GRIP2: variants seen among roughly 807,000 people sequenced by gnomAD.
GRIP2 encodes the protein glutamate receptor interacting protein 2, also known as glutamate receptor-interacting protein 2.
In GRIP2, 58 loss-of-function variants were observed where a neutral mutation model predicts 108.3. That is an observed-to-expected ratio of 0.54 (90% confidence interval 0.43 to 0.67). GRIP2 has a LOEUF of 0.67. Among genes scored for constraint, GRIP2 ranks in the 30% least tolerant of loss-of-function variants. GRIP2 has a pLI of 0.00. For synonymous variants in GRIP2, 586 were observed against 598.2 expected (o/e 0.98, Z 0.30); for missense variants, 1,278 against 1,430.6 (o/e 0.89, Z 1.72).
chr3:14,573,391 G>A, the GRIP2 span: 2 of 1,324,064 alleles, frequency 1.5e-6, no homozygotes, highest in African/African-American at 1.4e-5. Context: ...ATGGTCATCT[G>A]GAAGCAGATG....
intron 11 of GRIP2, among the ~76,000 whole-genome samples, chr3:14,515,782 A>T (rs1321622262): frequency 6.6e-6 from 1 of 152,042 alleles, no homozygotes; most frequent in Non-Finnish European, 1.5e-5. Context: ...GGCGTGTGCC[A>T]CCATACAAGG....
At chr3:14,574,311 C>A in the GRIP2 span, 2 of 1,000,866 alleles carry the variant, frequency 2.0e-6, no homozygotes, top group African/African-American at 1.6e-5. Context: ...CCCATACAGC[C>A]GCTTCTCCCG....
In GRIP2 at chr3:14,517,845, G is replaced by A. The variant is rs1043086187; in HGVS notation, c.1083C>T (p.Ser361=). 2 of 1,602,796 alleles carry A rather than the reference G, an allele frequency of 1.2e-6. No homozygotes were observed. Among genetic ancestry groups the A allele is most frequent in the African/African-American group, 1.3e-5 (1 of 74,668 alleles). The change falls in exon 10 of 24, where the codon TCC becomes TCT. Residue 361 remains serine, a synonymous_variant. Coordinates refer to ENST00000621039, the MANE Select transcript of GRIP2 (RefSeq NM_001080423.4). ...AGTGGCCGGGCCGGGGGCTGTGGCA[G>A]GAGGGCACGCAGGGGTCCCAGCGGT... ...QLHRWDPCVP[S]CHSPRPGHCR... is the part of the protein sequence containing the mutation.
At chr3:14,571,462 C>A in the GRIP2 span, among the ~76,000 whole-genome samples, 1 of 152,144 alleles carries the variant, frequency 6.6e-6, no homozygotes, top group Non-Finnish European at 1.5e-5. Flanking sequence ...ATGCTTCCCA[C>A]CCCCGCGCAC....
At chr3:14,527,247 AAAGGG>A (rs145344565) in intron 1 of GRIP2, among the ~76,000 whole-genome samples, 7,033 of 151,024 alleles carry the variant, frequency 0.047, 253 homozygotes, top group Middle Eastern at 0.11. Context: ...AAGAAGGAAG[AAAGGG>A]AAGGGAAGGG....
chr3:14,583,737 C>T, the GRIP2 span, among the ~76,000 whole-genome samples: 2 of 152,196 alleles, frequency 1.3e-5, no homozygotes, highest in African/African-American at 4.8e-5. Context: ...TGCCGGGATC[C>T]GGGTGGAGTG....
chr3:14,552,445 A>G (rs1215872926), intron 1 of GRIP2, among the ~76,000 whole-genome samples: 1 of 152,182 alleles, frequency 6.6e-6, no homozygotes, highest in African/African-American at 2.4e-5. Context: ...TAGATGCTCA[A>G]TAAATATTTG....
Position 14,513,813 on chromosome 3 carries a change from G to T in GRIP2, c.1494-3C>A, listed in dbSNP as rs749352689. The T allele has an allele frequency of 6.2e-7, 1 of 1,611,902 alleles. No individual in the cohort carries two copies. The highest frequency in any genetic ancestry group is 8.5e-7 in the Non-Finnish European group (1 of 1,178,932). ...CCCCCACCTGCAGCAGCCCACACCTGAACCCAGGGGGCCCGGCAGAGAGAA... is the reference window on the plus strand; with the variant it reads ...CCCCCACCTGCAGCAGCCCACACCTTAACCCAGGGGGCCCGGCAGAGAGAA... On this transcript the variant is annotated splice_region_variant and splice_polypyrimidine_tract_variant and intron_variant, in intron 12 of 23. Transcript: ENST00000621039.
intron 13 of GRIP2, among the ~76,000 whole-genome samples, 163 bp downstream of exon 13, chr3:14,513,502 G>T (rs1020840888): frequency 6.6e-6 from 1 of 152,148 alleles, no homozygotes; most frequent in African/African-American, 2.4e-5. Context: ...TCTCCCTCCC[G>T]TGCCAAGGCT....
In GRIP2 at chr3:14,489,569, T is replaced by C. The variant is rs186583809; in HGVS notation, c.*4096A>G. Reference sequence around the variant, plus strand: ...GAACCTGGATTCGCACCCGGGCCCATGAGCTCTTGGCTCTACTGGCTCTAC... The same window carrying C: ...GAACCTGGATTCGCACCCGGGCCCACGAGCTCTTGGCTCTACTGGCTCTAC... On this transcript the variant is annotated 3_prime_UTR_variant, in exon 24 of 24. Transcript: ENST00000621039. 1 of 152,390 alleles carries C rather than the reference T, an allele frequency of 6.6e-6. No homozygotes were observed. The highest frequency in any genetic ancestry group is 2.4e-5 in the African/African-American group (1 of 41,576). 9.4% of individuals were successfully genotyped at this position (152,390 alleles called of 1,614,324 possible). A position where few individuals can be genotyped will look rare whatever the true frequency, so the allele number is the denominator to read the frequency against.
At chr3:14,529,220 A>C (rs1694643860) in intron 1 of GRIP2, among the ~76,000 whole-genome samples, 1 of 147,842 alleles carries the variant, frequency 6.8e-6, no homozygotes, top group Non-Finnish European at 1.5e-5. Flanking sequence ...CGGAGGTGGC[A>C]GTGAGCCGAG....
At position 14,505,688 on chromosome 3, in the gene GRIP2, T is replaced by C; in HGVS notation, c.2500A>G (p.Ser834Gly). 5 of 1,603,592 alleles carry C rather than the reference T, an allele frequency of 3.1e-6. No individual in the cohort carries two copies. The highest frequency in any genetic ancestry group is 4.3e-6 in the Non-Finnish European group (5 of 1,175,296). ...TCGTCAGCTGGGGTTGGGGTATAGCTCGTCCTCCGGGGCTCGGTGGGTGGG... is the reference window on the plus strand; with the variant it reads ...TCGTCAGCTGGGGTTGGGGTATAGCCCGTCCTCCGGGGCTCGGTGGGTGGG... Reference protein sequence around the residue: ...SPPPTEPRRTSYTPTPADESF... With the variant: ...SPPPTEPRRTGYTPTPADESF... Residue 834 changes from serine (S) to glycine (G), a missense_variant, in exon 20 of 24, where the codon AGC (serine) becomes GGC (glycine). Physicochemically the swap from Ser to Gly is moderately conservative, Grantham distance 56 (BLOSUM62 0). Coordinates refer to ENST00000621039, the MANE Select transcript of GRIP2 (RefSeq NM_001080423.4). The surrounding 1 kb of genome is among the most constrained non-coding windows in gnomAD (Gnocchi z 4.2).
the GRIP2 span, chr3:14,574,211 G>T: frequency 1.1e-6 from 1 of 871,910 alleles, no homozygotes; most frequent in Non-Finnish European, 2.0e-6. Context: ...AGAAGGGCCT[G>T]TGGCTGTCCA....
the GRIP2 span, among the ~76,000 whole-genome samples, chr3:14,601,515 C>T: frequency 6.6e-6 from 1 of 152,208 alleles, no homozygotes; most frequent in South Asian, 2.1e-4. Flanking sequence ...CTGCTCCATC[C>T]GCACCAACTC....
chr3:14,559,441 A>AC (rs1306340783), upstream of GRIP2, among the ~76,000 whole-genome samples: 35 of 85,308 alleles, frequency 4.1e-4, no homozygotes, highest in Non-Finnish European at 1.1e-4. Context: ...GAATTTATCA[A>AC]AAAAAAAAAA....
chr3:14,543,077 G>A (rs933733189), upstream of GRIP2, among the ~76,000 whole-genome samples: 14 of 152,258 alleles, frequency 9.2e-5, no homozygotes, highest in South Asian at 2.5e-3. Flanking sequence ...GTTTGTCCAC[G>A]AAGGAAAAAG....
chr3:14,556,222 C>T (rs940505523), upstream of GRIP2: 2 of 380,648 alleles, frequency 5.3e-6, no homozygotes, highest in Non-Finnish European at 9.3e-6. Context: ...AAACCTCCAG[C>T]GGGCCCCACC....
chr3:14,527,120 G>A (rs13099589), intron 1 of GRIP2, among the ~76,000 whole-genome samples: 31,376 of 152,000 alleles, frequency 0.21, 3,485 homozygotes, highest in African/African-American at 0.28. Context: ...TTGGGAAGTC[G>A]AGACTACAGT....
At position 14,509,968 on chromosome 3, in the gene GRIP2, CA is replaced by C; in HGVS notation, c.1934-5del. 6.7e-7 allele frequency: 1 copy of C among 1,495,560 alleles called. No individual in the cohort carries two copies. Among genetic ancestry groups the C allele is most frequent in the Non-Finnish European group, 9.0e-7 (1 of 1,114,766 alleles). 92.6% of individuals were successfully genotyped at this position (1,495,560 alleles called of 1,614,324 possible). ...GCACCTGTGGTCTCCAGCTCATCTGCAAGCACGGGGACCCATGAGGAGGAGG... is the reference window on the plus strand; with the variant it reads ...GCACCTGTGGTCTCCAGCTCATCTGCAGCACGGGGACCCATGAGGAGGAGG... On this transcript the variant is annotated splice_region_variant and splice_polypyrimidine_tract_variant and intron_variant, in intron 16 of 23. Transcript: ENST00000621039.
Sources: gnomAD v4.1 joint callset for allele counts (sites outside exome capture counted in the v4.1 genomes callset) on GRCh38, gnomAD v4.1.1 for gene constraint, Gnocchi (gnomAD v3.1) non-coding constraint, MANE v1.5 for transcripts, NCBI Gene and HGNC (gene_info 2026-07-23, HGNC 2026-07-21) for gene names.